The following RARS2 variants were observed in gnomAD, a reference collection of about 807,000 sequenced individuals.
The protein encoded by RARS2 is probable arginine--tRNA ligase, mitochondrial.
Under a neutral mutation model 88.5 loss-of-function variants are expected in RARS2, and 67 were observed. The ratio of observed to expected loss-of-function variants is 0.76; its 90% CI spans 0.62 to 0.93. The LOEUF is 0.93. Ranked by LOEUF, RARS2 falls within the 40% of genes least tolerant of loss-of-function variation. The pLI is 0.00. For synonymous variants in RARS2, 239 were observed against 230.3 expected, an observed-to-expected ratio of 1.04 and a Z score of -0.34; for missense variants, 664 against 684.2, an observed-to-expected ratio of 0.97 and a Z score of 0.33.
intron 6 of RARS2, 133 bp downstream of exon 6, chr6:87,548,458 G>T: frequency 2.5e-6 from 2 of 811,788 alleles, no homozygotes; most frequent in Non-Finnish European, 3.9e-6. Flanking sequence ...TTCCTGAATT[G>T]GCAGGAGGCT....
Position 87,572,808 on chromosome 6 carries a change from G to A in RARS2, c.37-3218C>T, listed in dbSNP as rs1023436351. Among the ~76,000 whole-genome samples the A allele has an allele frequency of 6.6e-5, 10 of 152,066 alleles. No homozygotes were observed. In the East Asian group the frequency reaches 1.7e-3, roughly 26 times the overall value. ...CTTAAGCACATAAAATGAAATGGAG[G>A]TATAAATTTATACCAGAAAACTCTA... On this transcript the variant is annotated intron_variant, in intron 1 of 19. Transcript: ENST00000369536.
intron 1 of RARS2, among the ~76,000 whole-genome samples, chr6:87,578,087 G>A (rs1479287130): frequency 1.3e-5 from 2 of 150,984 alleles, no homozygotes; most frequent in Admixed American, 1.3e-4. Context: ...TTCGAGACCA[G>A]CCTGGGGCAA....
intron 4 of RARS2, among the ~76,000 whole-genome samples, chr6:87,558,755 CATGATACTTG>C (rs1465045685): frequency 6.6e-6 from 1 of 152,194 alleles, no homozygotes; most frequent in African/African-American, 2.4e-5. Flanking sequence ...TTATGTACAT[CATGATACTTG>C]ATAATAATAA....
intron 7 of RARS2, among the ~76,000 whole-genome samples, chr6:87,542,606 T>C (rs1048619083): frequency 1.3e-5 from 2 of 151,550 alleles, no homozygotes; most frequent in African/African-American, 4.9e-5. Flanking sequence ...TTTTTAGTCT[T>C]TGATGATAAA....
At chr6:87,520,032 C>A in intron 13 of RARS2, 148 bp downstream of exon 13, 2 of 781,744 alleles carry the variant, frequency 2.6e-6, no homozygotes, top group Non-Finnish European at 4.4e-6. Context: ...TTATTATAAC[C>A]AAGACATAAT....
chr6:87,575,819 ATTTT>A (rs1254674868), intron 1 of RARS2, among the ~76,000 whole-genome samples: 1 of 145,506 alleles, frequency 6.9e-6, no homozygotes, highest in Admixed American at 6.9e-5. Context: ...TTGTGGATAA[ATTTT>A]TTTTTTTTTT....
chr6:87,529,757 A>G, intron 9 of RARS2, 109 bp from the exon 10 acceptor site: 2 of 760,732 alleles, frequency 2.6e-6, no homozygotes, highest in Non-Finnish European at 4.7e-6. Context: ...CATGAACACA[A>G]TAAAAATTAA....
rs1582774605 is a variant in RARS2, at chr6:87,569,567, TG to T, written c.59del (p.Pro20HisfsTer5). ...ACQLSRVLNL[P>X]PENLITSISA... ...ATATTGATGTGATCAAGTTTTCTGG[TG>T]GAAGATTCAACACTCTGGAAAGCTA... On this transcript the variant is annotated frameshift_variant, in exon 2 of 20. Coordinates refer to ENST00000369536, the MANE Select transcript of RARS2 (RefSeq NM_020320.5). LOFTEE classifies it high-confidence loss of function. 1 of 1,607,758 alleles carries T rather than the reference TG, an allele frequency of 6.2e-7. No homozygotes were observed. The highest frequency in any genetic ancestry group is 8.5e-7 in the Non-Finnish European group (1 of 1,174,406).
At chr6:87,521,370 G>A in intron 12 of RARS2, 94 bp downstream of exon 12, 1 of 962,662 alleles carries the variant, frequency 1.0e-6, no homozygotes, top group Non-Finnish European at 1.6e-6. Flanking sequence ...ACTTCTCTCT[G>A]TAGTTTTCCA....
At chr6:87,569,909 T>C (rs1198193746) in intron 1 of RARS2, among the ~76,000 whole-genome samples, 2 of 144,616 alleles carry the variant, frequency 1.4e-5, no homozygotes, top group East Asian at 2.0e-4. Flanking sequence ...AAAAAAAAAG[T>C]ATGGCAAGAG....
intron 18 of RARS2, among the ~76,000 whole-genome samples, chr6:87,515,445 A>G (rs1479829699): frequency 2.6e-5 from 4 of 151,602 alleles, no homozygotes; most frequent in South Asian, 2.1e-4. Context: ...GCGTGAACCC[A>G]GGAGGCAGAG....
At chr6:87,516,983 A>C in intron 17 of RARS2, 103 bp from the exon 18 acceptor site, 2 of 1,531,700 alleles carry the variant, frequency 1.3e-6, no homozygotes, top group East Asian at 2.5e-5. Context: ...GACACGATTA[A>C]GAGTAGAAGG....
intron 8 of RARS2, among the ~76,000 whole-genome samples, chr6:87,533,506 A>C (rs777081075): frequency 3.3e-5 from 5 of 152,196 alleles, no homozygotes; most frequent in Non-Finnish European, 7.4e-5. Context: ...TTTAGACACA[A>C]AGAGATAAAA....
intron 7 of RARS2, among the ~76,000 whole-genome samples, chr6:87,543,515 C>T (rs1447043337): frequency 9.9e-5 from 15 of 151,718 alleles, no homozygotes; most frequent in Admixed American, 5.3e-4. Flanking sequence ...GTGGTGCATG[C>T]CTATGATCCC....
rs1421464024 is a variant in RARS2 at position 87,519,854 on chromosome 6, C to A, written c.1113-147G>T. 4.0e-5 allele frequency: 38 copies of A among 955,846 alleles called. 1 individual carries two copies. In the Admixed American group the frequency reaches 7.8e-4, roughly 20 times the overall value. The allele number at this position is 955,846 out of a possible 1,614,324, so 59.2% of individuals were successfully genotyped here. A position where few individuals can be genotyped will look rare whatever the true frequency, so the allele number is the denominator to read the frequency against. On this transcript the variant is annotated intron_variant, in intron 13 of 19. Coordinates refer to ENST00000369536, the MANE Select transcript of RARS2 (RefSeq NM_020320.5). ...AAATGAAATTGATGTGATTTGTATG[C>A]TACAAAGGACGTTAAGCACAGCTTC...
intron 1 of RARS2, among the ~76,000 whole-genome samples, chr6:87,583,847 C>T (rs1562279573): frequency 1.3e-5 from 2 of 152,080 alleles, no homozygotes; most frequent in African/African-American, 4.8e-5. Flanking sequence ...TCTCAGTGTC[C>T]TTTTCTGTAA....
chr6:87,542,324 A>G (rs532157802), intron 7 of RARS2, among the ~76,000 whole-genome samples: 1 of 152,366 alleles, frequency 6.6e-6, no homozygotes, highest in South Asian at 2.1e-4. Flanking sequence ...ATTAAAAAAT[A>G]AACATTTATT....
Position 87,518,677 on chromosome 6 carries a change from G to T in RARS2, c.1368C>A (p.Arg456=), listed in dbSNP as rs377000350. 6.2e-7 allele frequency: 1 copy of T among 1,614,002 alleles called. No individual in the cohort carries two copies. Among genetic ancestry groups the T allele is most frequent in the Non-Finnish European group, 8.5e-7 (1 of 1,179,984 alleles). The change falls in exon 16 of 20, where the codon CGC becomes CGA. Residue 456 remains arginine (R), a synonymous_variant. Transcript: ENST00000369536. ...ACTGTAGGAAGACTCCTGTGTCCCC[G>T]CGACTCTGGAAAACACGATCCCAGC... ...KFSWDRVFQS[R]GDTGVFLQYT...
rs760831364 is a variant in RARS2 at position 87,519,599 on chromosome 6, G to T, written c.1221C>A (p.Asn407Lys). ...TGAATTCACTCTTAATTGAAGCCAT[G>T]TTCTGTAGCATCCTTAATTGAATCT... is the stretch of plus-strand genomic sequence containing the variant. The part of the protein sequence containing the change: ...LNEIQLRMLQ[N>K]MASIKTTKEL... Residue 407 changes from asparagine to lysine, a missense_variant, in exon 14 of 20, where the codon AAC (asparagine) becomes AAA (lysine). Coordinates refer to ENST00000369536, the MANE Select transcript of RARS2 (RefSeq NM_020320.5). 19 of 1,612,392 alleles carry T rather than the reference G, an allele frequency of 1.2e-5. No homozygotes were observed. The highest frequency in any genetic ancestry group is 2.7e-5 in the African/African-American group (2 of 74,876).
Sources: allele counts gnomAD v4.1 joint callset (sites outside exome capture counted in the v4.1 genomes callset), GRCh38; gene constraint gnomAD v4.1.1; transcripts MANE v1.5; gene names NCBI Gene and HGNC (gene_info 2026-07-23, HGNC 2026-07-21).